GLCCI1: variants seen among roughly 807,000 people sequenced by gnomAD.
GLCCI1 encodes glucocorticoid-induced transcript 1 protein.
GLCCI1 carries 24 observed loss-of-function variants against 52.2 expected under a neutral mutation model. The ratio of observed to expected loss-of-function variants is 0.46; its 90% CI spans 0.33 to 0.65. The LOEUF is 0.65. Ranked by LOEUF, GLCCI1 falls within the 30% of genes least tolerant of loss-of-function variation. GLCCI1 has a pLI of 0.02. For missense variants in GLCCI1, 704 were observed against 701.5 expected, an observed-to-expected ratio of 1.00 and a Z score of -0.04; for synonymous variants, 310 against 276.5, an observed-to-expected ratio of 1.12 and a Z score of -1.20.
chr7:7,977,048 A>G (rs1010028340), intron 1 of GLCCI1, among the ~76,000 whole-genome samples: 3 of 152,202 alleles, frequency 2.0e-5, no homozygotes, highest in African/African-American at 7.2e-5. Flanking sequence ...TACTGACAGT[A>G]ATAATTCCTT....
At chr7:7,990,033 G>A (rs1370619922) in intron 1 of GLCCI1, among the ~76,000 whole-genome samples, 3 of 151,722 alleles carry the variant, frequency 2.0e-5, no homozygotes, top group Non-Finnish European at 4.4e-5. Context: ...GTAATCAGAA[G>A]TGAAGGGAGA....
intron 3 of GLCCI1, among the ~76,000 whole-genome samples, chr7:8,037,272 C>A (rs1038244556): frequency 6.6e-6 from 1 of 152,126 alleles, no homozygotes; most frequent in African/African-American, 2.4e-5. Flanking sequence ...AACTGTCAGC[C>A]ACGAATTTTG....
chr7:8,081,203 A>T (rs1043111438), intron 6 of GLCCI1, among the ~76,000 whole-genome samples: 3 of 151,990 alleles, frequency 2.0e-5, no homozygotes, highest in African/African-American at 7.3e-5. Context: ...CCACCTCCCT[A>T]CCCCAAGGCA....
At chr7:8,026,953 C>A (rs1387196473) in intron 3 of GLCCI1, among the ~76,000 whole-genome samples, 2 of 152,160 alleles carry the variant, frequency 1.3e-5, no homozygotes, top group African/African-American at 2.4e-5. Flanking sequence ...CTGAAAAAAA[C>A]ACAGTGTTAT....
intron 1 of GLCCI1, among the ~76,000 whole-genome samples, chr7:8,000,495 T>G (rs1781030974): frequency 6.6e-6 from 1 of 151,944 alleles, no homozygotes; most frequent in African/African-American, 2.4e-5. Context: ...CATGACAAAT[T>G]AAACCAAATT....
intron 1 of GLCCI1, among the ~76,000 whole-genome samples, chr7:7,990,753 A>G (rs1478173200): frequency 4.6e-5 from 7 of 152,102 alleles, no homozygotes; most frequent in Non-Finnish European, 1.0e-4. Flanking sequence ...CTACTGCTTT[A>G]CAGCTACATA....
At chr7:8,069,662 C>T (rs996833391) in intron 5 of GLCCI1, among the ~76,000 whole-genome samples, 2 of 152,034 alleles carry the variant, frequency 1.3e-5, no homozygotes, top group Non-Finnish European at 2.9e-5. Flanking sequence ...TCTGTTTCTT[C>T]TCTACTCCAA....
intron 5 of GLCCI1, among the ~76,000 whole-genome samples, chr7:8,066,380 C>T (rs1272851620): frequency 2.0e-5 from 3 of 151,962 alleles, no homozygotes; most frequent in African/African-American, 7.3e-5. Context: ...ATCTCAGTTT[C>T]TTTCAGGTCA....
chr7:8,058,213 A>T (rs532336028), intron 4 of GLCCI1, among the ~76,000 whole-genome samples: 1 of 148,462 alleles, frequency 6.7e-6, no homozygotes, highest in Non-Finnish European at 1.5e-5. Context: ...AATCAAACTT[A>T]AAAGAAATAT....
At chr7:7,970,244 T>C (rs1470435291) in intron 1 of GLCCI1, among the ~76,000 whole-genome samples, 1 of 152,206 alleles carries the variant, frequency 6.6e-6, no homozygotes, top group Non-Finnish European at 1.5e-5. Context: ...GATAGTATTT[T>C]ATTTTTTAGA....
In GLCCI1 at chr7:8,062,640, C is replaced by G. The variant is rs141094134; in HGVS notation, c.966+2392C>G. On this transcript the variant is annotated intron_variant, in intron 5 of 7. Transcript: ENST00000223145. ...CCCATCTTCTAACCCTCAAGTAGGC[C>G]CTGATATCTGTTGTTCCCTTCTTTG... Among the ~76,000 whole-genome samples the G allele has an allele frequency of 7.1e-3, 1,086 of 152,202 alleles. 14 individuals are homozygous for G. Among genetic ancestry groups the G allele is most frequent in the African/African-American group, 0.025 (1,034 of 41,534 alleles).
chr7:8,033,506 A>G (rs931710122), intron 3 of GLCCI1, among the ~76,000 whole-genome samples: 2 of 152,116 alleles, frequency 1.3e-5, no homozygotes, highest in Non-Finnish European at 2.9e-5. Flanking sequence ...AAAAACTCCT[A>G]TGGAATGTAC....
At chr7:8,047,002 GA>G (rs1316277941) in intron 3 of GLCCI1, among the ~76,000 whole-genome samples, 28 of 150,126 alleles carry the variant, frequency 1.9e-4, no homozygotes, top group African/African-American at 2.4e-4. Flanking sequence ...GAGAAACAGA[GA>G]GGGGGAAAAA....
intron 5 of GLCCI1, among the ~76,000 whole-genome samples, chr7:8,065,258 C>G (rs1158447596): frequency 6.6e-6 from 1 of 152,124 alleles, no homozygotes; most frequent in African/African-American, 2.4e-5. Context: ...TGTTTTGTTT[C>G]TTAAAACTTT....
At chr7:7,971,231 C>G (rs1562410986) in intron 1 of GLCCI1, among the ~76,000 whole-genome samples, 1 of 152,192 alleles carries the variant, frequency 6.6e-6, no homozygotes. Context: ...CTGACATCCT[C>G]CAGCAAATCC....
At chr7:7,975,885 G>T (rs1235343510) in intron 1 of GLCCI1, among the ~76,000 whole-genome samples, 1 of 152,112 alleles carries the variant, frequency 6.6e-6, no homozygotes, top group East Asian at 1.9e-4. Context: ...TTCAGAATCG[G>T]TACTGTCCTC....
chr7:8,032,413 A>G (rs1056487959), intron 3 of GLCCI1, among the ~76,000 whole-genome samples: 2 of 151,992 alleles, frequency 1.3e-5, no homozygotes, highest in East Asian at 3.8e-4. Context: ...ATAAAGAATA[A>G]GCAAAACCAA....
At chr7:8,052,591 G>T (rs1782283122) in intron 3 of GLCCI1, among the ~76,000 whole-genome samples, 1 of 152,200 alleles carries the variant, frequency 6.6e-6, no homozygotes, top group African/African-American at 2.4e-5. Flanking sequence ...TCTTTCTGTA[G>T]CAAATATTGT....
At chr7:8,049,356 A>C (rs546185075) in intron 3 of GLCCI1, among the ~76,000 whole-genome samples, 1 of 152,308 alleles carries the variant, frequency 6.6e-6, no homozygotes, top group South Asian at 2.1e-4. Context: ...GAACAATTGC[A>C]GTAATGGTTT....
Sources: allele counts gnomAD v4.1 joint callset (sites outside exome capture counted in the v4.1 genomes callset), GRCh38; gene constraint gnomAD v4.1.1; transcripts MANE v1.5; gene names NCBI Gene and HGNC (gene_info 2026-07-23, HGNC 2026-07-21).